Variants in TMEM117 observed in about 807,000 individuals in gnomAD.
TMEM117 encodes transmembrane protein 117.
A neutral mutation model predicts 52.4 loss-of-function variants in TMEM117; 27 were observed. The observed-to-expected ratio is 0.51, with a 90% CI of 0.38 to 0.71. The LOEUF (loss-of-function observed/expected upper bound fraction) is 0.71, where lower values mean the gene tolerates loss of function less well. TMEM117 is among the 30% of genes least tolerant of loss of function. The pLI, the probability that TMEM117 is intolerant of heterozygous loss-of-function variation, is 0.00. For missense variants in TMEM117, 556 were observed against 630.5 expected (o/e 0.88, Z 1.26); for synonymous variants, 215 against 206.3 (o/e 1.04, Z -0.36).
At chr12:44,323,424 A>G (rs533687119) in intron 6 of TMEM117, among the ~76,000 whole-genome samples, 2 of 151,350 alleles carry the variant, frequency 1.3e-5, no homozygotes, top group Non-Finnish European at 2.9e-5. Flanking sequence ...TTTTTTTATT[A>G]TTATTAGTTA....
the TMEM117 span, among the ~76,000 whole-genome samples, chr12:43,815,347 C>T: frequency 2.6e-5 from 4 of 152,138 alleles, no homozygotes; most frequent in Non-Finnish European, 5.9e-5. Context: ...AGCCTTGTGA[C>T]GAGTTGGCAA....
At chr12:44,251,593 T>C (rs1374397926) in intron 5 of TMEM117, among the ~76,000 whole-genome samples, 1 of 152,190 alleles carries the variant, frequency 6.6e-6, no homozygotes, top group Non-Finnish European at 1.5e-5. Context: ...ATATGTAAGA[T>C]GGATTTAAAA....
At chr12:44,079,774 G>T (rs945291396) in intron 3 of TMEM117, among the ~76,000 whole-genome samples, 1 of 152,002 alleles carries the variant, frequency 6.6e-6, no homozygotes, top group Admixed American at 6.6e-5. Flanking sequence ...CCAGCACTTT[G>T]GGAGGCCAAG....
intron 2 of TMEM117, among the ~76,000 whole-genome samples, chr12:43,863,877 T>C (rs1675783): frequency 0.73 from 111,317 of 152,152 alleles, 43,753 homozygotes; most frequent in East Asian, 0.93. Context: ...CTGGCTCCCT[T>C]GGCTTGCAGG....
At chr12:44,374,616 T>TTATG (rs1555159976) in intron 6 of TMEM117, among the ~76,000 whole-genome samples, 2 of 144,806 alleles carry the variant, frequency 1.4e-5, no homozygotes, top group Admixed American at 1.4e-4. Flanking sequence ...AAGGAACTAT[T>TTATG]TGTGTGTGTG....
intron 5 of TMEM117, among the ~76,000 whole-genome samples, chr12:44,281,167 TA>T (rs1950572529): frequency 6.6e-6 from 1 of 152,222 alleles, no homozygotes; most frequent in South Asian, 2.1e-4. Context: ...ATCCTAATAT[TA>T]ATTTTTTGAT....
chr12:43,891,367 ATTTTTTTTT>A lies in TMEM117; in HGVS notation c.277+46454_277+46462del, dbSNP rs772754829. 1.4e-4 allele frequency among the ~76,000 whole-genome samples: 8 copies of A among 57,796 alleles called. 2 individuals carry two copies. Among genetic ancestry groups the A allele is most frequent in the Admixed American group, 6.6e-4 (2 of 3,030 alleles). 37.9% of individuals were successfully genotyped at this position (57,796 alleles called of 152,430 possible). A position where few individuals can be genotyped will look rare whatever the true frequency, so the allele number is the denominator to read the frequency against. On this transcript the variant is annotated intron_variant, in intron 2 of 7. Coordinates refer to ENST00000266534, the MANE Select transcript of TMEM117 (RefSeq NM_032256.3). ...ATTTCTTTTGGGAAATACCTCTTGA[ATTTTTTTTT>A]TTTTTTTTTTTTTTGAGATGGAGTC...
At chr12:43,835,720 C>G (rs549989938), upstream of TMEM117, among the ~76,000 whole-genome samples, 3 of 152,168 alleles carry the variant, frequency 2.0e-5, no homozygotes, top group African/African-American at 7.2e-5. Flanking sequence ...GCCCCCCAAC[C>G]CCCACCAGGT....
At chr12:44,322,144 A>C (rs1489502437) in intron 6 of TMEM117, among the ~76,000 whole-genome samples, 2 of 152,214 alleles carry the variant, frequency 1.3e-5, no homozygotes, top group African/African-American at 4.8e-5. Flanking sequence ...AAGCTATGTT[A>C]GAGATATCTA....
At chr12:43,863,367 C>A (rs547928423) in intron 2 of TMEM117, among the ~76,000 whole-genome samples, 1 of 152,164 alleles carries the variant, frequency 6.6e-6, no homozygotes, top group Non-Finnish European at 1.5e-5. Flanking sequence ...CTTGACAGAT[C>A]ATGGTATTTC....
chr12:43,872,793 A>G (rs185894956), intron 2 of TMEM117, among the ~76,000 whole-genome samples: 2 of 152,336 alleles, frequency 1.3e-5, no homozygotes, highest in Non-Finnish European at 2.9e-5. Context: ...AAATTCAACC[A>G]GTCTTTGAAT....
intron 4 of TMEM117, among the ~76,000 whole-genome samples, chr12:44,191,525 A>C (rs115678961): frequency 0.011 from 1,746 of 152,302 alleles, 22 homozygotes; most frequent in South Asian, 0.052. Flanking sequence ...AAGACATGGT[A>C]GAGTTGTAGT....
chr12:44,141,347 G>A (rs929922325), intron 3 of TMEM117, among the ~76,000 whole-genome samples: 9 of 151,986 alleles, frequency 5.9e-5, no homozygotes, highest in African/African-American at 2.2e-4. Flanking sequence ...ATTAAGCCTA[G>A]TACCCATTAA....
At chr12:44,095,233 G>T (rs923677304) in intron 3 of TMEM117, among the ~76,000 whole-genome samples, 1 of 152,026 alleles carries the variant, frequency 6.6e-6, no homozygotes, top group East Asian at 1.9e-4. Context: ...ATCCTGAAGC[G>T]TTAACACTTG....
the TMEM117 span, among the ~76,000 whole-genome samples, chr12:43,825,008 C>G: frequency 3.3e-5 from 5 of 152,200 alleles, no homozygotes; most frequent in Non-Finnish European, 7.3e-5. Context: ...CTTCAGAGGC[C>G]AGGCAACCAG....
intron 4 of TMEM117, among the ~76,000 whole-genome samples, chr12:44,145,604 C>T (rs1948631856): frequency 6.6e-6 from 1 of 152,190 alleles, no homozygotes; most frequent in Admixed American, 6.5e-5. Context: ...TTTAGCTTGG[C>T]TCAGTCCTTT....
chr12:43,831,614 G>A (rs1942983091), upstream of TMEM117, among the ~76,000 whole-genome samples: 1 of 151,284 alleles, frequency 6.6e-6, no homozygotes, highest in Non-Finnish European at 1.5e-5. Context: ...CGCAATCTTG[G>A]CTCACTGCAA....
chr12:44,097,240 A>G (rs1223695411), intron 3 of TMEM117, among the ~76,000 whole-genome samples: 3 of 152,154 alleles, frequency 2.0e-5, no homozygotes, highest in Admixed American at 6.5e-5. Flanking sequence ...GATGTGGAGA[A>G]ATAGGAACAC....
chr12:44,358,992 G>C (rs1190878348), intron 6 of TMEM117, among the ~76,000 whole-genome samples: 1 of 152,166 alleles, frequency 6.6e-6, no homozygotes, highest in African/African-American at 2.4e-5. Context: ...ATAAAGTGCT[G>C]TGTGGACATT....
Sources: gnomAD v4.1 joint callset for allele counts (sites outside exome capture counted in the v4.1 genomes callset) on GRCh38, gnomAD v4.1.1 for gene constraint, MANE v1.5 for transcripts, NCBI Gene and HGNC (gene_info 2026-07-23, HGNC 2026-07-21) for gene names.